The following MTRR variants were observed in gnomAD, a reference collection of about 807,000 sequenced individuals.
MTRR encodes methionine synthase reductase.
MTRR carries 63 observed loss-of-function variants against 79.2 expected under a neutral mutation model. That is an observed-to-expected ratio of 0.80 (90% confidence interval 0.65 to 0.98). The LOEUF is 0.98. Ranked by LOEUF, MTRR falls within the 50% of genes least tolerant of loss-of-function variation. MTRR has a pLI of 0.00. For missense variants in MTRR, 895 were observed against 839.6 expected (o/e 1.07, Z -0.82); for synonymous variants, 355 against 313.3 (o/e 1.13, Z -1.41).
intron 8 of MTRR, among the ~76,000 whole-genome samples, chr5:7,887,095 T>TA (rs1736616939): frequency 6.6e-6 from 1 of 152,152 alleles, no homozygotes; most frequent in East Asian, 1.9e-4. Context: ...GACAGAAAGC[T>TA]AATGAGAGCG....
chr5:7,894,816 A>G (rs1561277010), intron 11 of MTRR, among the ~76,000 whole-genome samples: 1 of 151,984 alleles, frequency 6.6e-6, no homozygotes, highest in Non-Finnish European at 1.5e-5. Context: ...CCGTAAAGAC[A>G]GGGGCGTTGT....
intron 1 of MTRR, among the ~76,000 whole-genome samples, chr5:7,853,484 C>G (rs1323740237): frequency 6.6e-6 from 1 of 152,124 alleles, no homozygotes; most frequent in Non-Finnish European, 1.5e-5. Flanking sequence ...TACAGGCATA[C>G]AGTAGGAAGT....
chr5:7,876,660 T>C (rs1057261918), intron 4 of MTRR, among the ~76,000 whole-genome samples: 34 of 152,238 alleles, frequency 2.2e-4, no homozygotes, highest in Non-Finnish European at 2.9e-4. Context: ...TTGAGTCCAA[T>C]ACCTGGGTTC....
At position 7,900,879 on chromosome 5, in the gene MTRR, C is replaced by T. The variant is rs1270186169; in HGVS notation, c.*821C>T. 1 of 98,090 alleles carries T rather than the reference C, an allele frequency of 1.0e-5. No homozygotes were observed. Among genetic ancestry groups the T allele is most frequent in the Non-Finnish European group, 2.6e-5 (1 of 38,260 alleles). The allele number at this position is 98,090 out of a possible 1,614,324, so 6.1% of individuals were successfully genotyped here. ...TCCCACATTATTTGTCTCCATGATA[C>T]CACTCAAGCAGTGTGCTGGACCTAA... is the stretch of plus-strand genomic sequence containing the variant. On this transcript the variant is annotated 3_prime_UTR_variant, in exon 15 of 15. Coordinates refer to ENST00000440940, the MANE Select transcript of MTRR (RefSeq NM_002454.3).
intron 11 of MTRR, among the ~76,000 whole-genome samples, chr5:7,894,130 C>G (rs547284902): frequency 3.9e-4 from 60 of 152,246 alleles, no homozygotes; most frequent in African/African-American, 1.3e-3. Flanking sequence ...CCTTCCTTCC[C>G]CATTTTAACA....
rs562558233 is a variant in MTRR, at chr5:7,893,031, C to A, written c.1557+118C>A. On this transcript the variant is annotated intron_variant, in intron 11 of 14. Coordinates refer to ENST00000440940, the MANE Select transcript of MTRR (RefSeq NM_002454.3). ...CTGTCATAAGAAAATTTATGCTGTT[C>A]TTGAATTTTAAAATCTCTATTGCAA... 1.7e-3 allele frequency: 2,037 copies of A among 1,230,736 alleles called. 20 individuals carry two copies. Among genetic ancestry groups the A allele is most frequent in the South Asian group, 8.3e-4 (62 of 74,278 alleles). 76.2% of individuals were successfully genotyped at this position (1,230,736 alleles called of 1,614,324 possible).
intron 3 of MTRR, among the ~76,000 whole-genome samples, chr5:7,873,880 GAACAA>G (rs1357111281): frequency 2.0e-5 from 3 of 152,092 alleles, no homozygotes; most frequent in Non-Finnish European, 2.9e-5. Flanking sequence ...TAGAAAAGCA[GAACAA>G]AACAAAACAC....
intron 4 of MTRR, among the ~76,000 whole-genome samples, chr5:7,875,891 T>C (rs944551192): frequency 2.0e-5 from 3 of 152,232 alleles, no homozygotes; most frequent in African/African-American, 7.2e-5. Context: ...ACGCATACTT[T>C]ATCTTTTCAT....
upstream of MTRR, chr5:7,866,855 G>C (rs776679614): frequency 3.1e-5 from 50 of 1,613,882 alleles, no homozygotes; most frequent in Admixed American, 2.0e-4. Context: ...TTCCATTAAG[G>C]CAGAAATCTG....
intron 11 of MTRR, among the ~76,000 whole-genome samples, chr5:7,894,739 A>G (rs895905605): frequency 2.0e-5 from 3 of 152,226 alleles, no homozygotes; most frequent in Non-Finnish European, 4.4e-5. Flanking sequence ...GTCATTACCC[A>G]TCATTCTGTG....
At chr5:7,862,888 G>A in intron 2 of MTRR, 1 of 1,614,068 alleles carries the variant, frequency 6.2e-7, no homozygotes, top group Non-Finnish European at 8.5e-7. Context: ...TAAAAGGTTA[G>A]TCAGCCCAAT....
At chr5:7,886,280 A>C (rs193233510) in intron 7 of MTRR, among the ~76,000 whole-genome samples, 1 of 152,274 alleles carries the variant, frequency 6.6e-6, no homozygotes, top group Admixed American at 6.5e-5. Flanking sequence ...TTATTTACTT[A>C]GAATCTTGAA....
Position 7,886,606 on chromosome 5 carries a change from C to T in MTRR, c.1058-9C>T, listed in dbSNP as rs1736476286. On this transcript the variant is annotated splice_polypyrimidine_tract_variant and intron_variant, in intron 7 of 14. Coordinates refer to ENST00000440940, the MANE Select transcript of MTRR (RefSeq NM_002454.3). ...GTCATGAACCCCTTTCCCGTCTTTA[C>T]CTGAAAAGGAGCTACCTTACCCCAG... 1 of 1,601,574 alleles carries T rather than the reference C, an allele frequency of 6.2e-7. No homozygotes were observed. Among genetic ancestry groups the T allele is most frequent in the Non-Finnish European group, 8.6e-7 (1 of 1,168,624 alleles).
intron 1 of MTRR, among the ~76,000 whole-genome samples, chr5:7,857,400 A>C (rs532309658): frequency 6.6e-6 from 1 of 152,168 alleles, no homozygotes; most frequent in African/African-American, 2.4e-5. Flanking sequence ...CAGCAACCTT[A>C]TATCTCTCTA....
chr5:7,867,464 C>A (rs995718936), upstream of MTRR: 28 of 1,614,080 alleles, frequency 1.7e-5, no homozygotes, highest in African/African-American at 2.0e-4. Context: ...TTTTCTGAGA[C>A]GATTTTGGCA....
chr5:7,886,488 GC>G, intron 7 of MTRR, 126 bp from the exon 8 acceptor site: 1 of 758,648 alleles, frequency 1.3e-6, no homozygotes, highest in Non-Finnish European at 2.3e-6. Flanking sequence ...AATAAACATT[GC>G]CACAAGTCAT....
intron 11 of MTRR, 129 bp from the exon 12 acceptor site, chr5:7,895,605 T>C: frequency 8.2e-7 from 1 of 1,215,792 alleles, no homozygotes; most frequent in Non-Finnish European, 1.2e-6. Flanking sequence ...TAAAATCTGA[T>C]GCCACTATTT....
intron 11 of MTRR, among the ~76,000 whole-genome samples, chr5:7,895,424 A>G (rs1561279778): frequency 6.6e-6 from 1 of 152,212 alleles, no homozygotes; most frequent in Non-Finnish European, 1.5e-5. Context: ...TCTGCCCACC[A>G]GAAAGCAGAT....
chr5:7,857,229 G>A (rs1043136678), intron 1 of MTRR, among the ~76,000 whole-genome samples: 11 of 152,146 alleles, frequency 7.2e-5, no homozygotes, highest in African/African-American at 2.4e-4. Context: ...ATAGTTGCAA[G>A]AGCCATCATA....
Sources: allele counts gnomAD v4.1 joint callset (sites outside exome capture counted in the v4.1 genomes callset), GRCh38; gene constraint gnomAD v4.1.1; transcripts MANE v1.5; gene names NCBI Gene and HGNC (gene_info 2026-07-23, HGNC 2026-07-21).